Variants in TRPC1 observed in about 807,000 individuals in gnomAD.
TRPC1 encodes transient receptor potential cation channel subfamily C member 1.
A neutral mutation model predicts 88.2 loss-of-function variants in TRPC1; 42 were observed. That is an observed-to-expected ratio of 0.48 (90% CI 0.37 to 0.62). The LOEUF (loss-of-function observed/expected upper bound fraction) is 0.62, where lower values mean the gene tolerates loss of function less well. Among genes scored for constraint, TRPC1 ranks in the 20% least tolerant of loss-of-function variants. The pLI is 0.00. For synonymous variants in TRPC1, 288 were observed against 331.8 expected (o/e 0.87, Z 1.43); for missense variants, 699 against 957.3 (o/e 0.73, Z 3.56).
At chr3:142,769,556 C>A (rs1935505615) in intron 4 of TRPC1, among the ~76,000 whole-genome samples, 1 of 152,028 alleles carries the variant, frequency 6.6e-6, no homozygotes, top group Non-Finnish European at 1.5e-5. Flanking sequence ...TTTAGCTGAA[C>A]CCCATAATTT....
chr3:142,747,849 CAT>C (rs1166130790), intron 3 of TRPC1, among the ~76,000 whole-genome samples: 6 of 152,134 alleles, frequency 3.9e-5, no homozygotes, highest in Non-Finnish European at 5.9e-5. Context: ...GTTTTTCTCA[CAT>C]GTTAATATTC....
intron 3 of TRPC1, among the ~76,000 whole-genome samples, chr3:142,744,642 C>G (rs75506812): frequency 0.03 from 4,600 of 152,066 alleles, 248 homozygotes; most frequent in African/African-American, 0.11. Flanking sequence ...AAAATACTTA[C>G]CACGGTTAAA....
Position 142,804,596 on chromosome 3 carries a change from C to T in TRPC1, c.2120C>T (p.Ser707Leu). 3 of 1,607,706 alleles carry T rather than the reference C, an allele frequency of 1.9e-6. No homozygotes were observed. Among genetic ancestry groups the T allele is most frequent in the African/African-American group, 2.7e-5 (2 of 74,638 alleles). Residue 707 changes from serine to leucine, a missense_variant, in exon 12 of 13, where the codon TCA becomes TTA. This residue lies in a region of TRPC1 where 105 missense variants were observed against 141.7 expected (regional missense o/e 0.74). Coordinates refer to ENST00000476941, the MANE Select transcript of TRPC1 (RefSeq NM_001251845.2). ...SLSKWICSHT[S>L]KGKVKRQNSL... ...AGTAAGTGGATTTGCTCTCATACAT[C>T]AAAAGGCAAGGTCAAACGGCAAAAC...
Position 142,724,652 on chromosome 3 carries a change from G to A in TRPC1, c.93G>A (p.Val31=), listed in dbSNP as rs754986141. The A allele has an allele frequency of 6.2e-7, 1 of 1,612,982 alleles. No individual in the cohort carries two copies. The highest frequency in any genetic ancestry group is 1.3e-5 in the African/African-American group (1 of 74,736). ...SSPSSSSPNE[V]MALKDVREVK... ...CATCCTCTTCCTCGCCGAACGAGGTGATGGCGCTGAAGGATGTGCGGGAGG... is the reference window on the plus strand; with the variant it reads ...CATCCTCTTCCTCGCCGAACGAGGTAATGGCGCTGAAGGATGTGCGGGAGG... Residue 31 remains valine, a synonymous_variant, in exon 1 of 13, where the codon GTG becomes GTA. Transcript: ENST00000476941. This position sits in a 1 kb window ranked among gnomAD's most constrained non-coding sequence, Gnocchi z 5.6.
At chr3:142,729,965 T>C (rs1349129637) in intron 1 of TRPC1, among the ~76,000 whole-genome samples, 3 of 152,178 alleles carry the variant, frequency 2.0e-5, no homozygotes, top group African/African-American at 7.2e-5. Context: ...CTGTTATTAA[T>C]AGCTTCTGTT....
Position 142,803,936 on chromosome 3 carries a change from C to A in TRPC1, c.1758-41C>A, listed in dbSNP as rs548795345. 8 of 1,577,056 alleles carry A rather than the reference C, an allele frequency of 5.1e-6. No individual in the cohort carries two copies. In the South Asian group the frequency reaches 8.0e-5, roughly 16 times the overall value. On this transcript the variant is annotated intron_variant, in intron 10 of 12. Transcript: ENST00000476941. ...ACAAATGATTCATTTTTGCTAATTT[C>A]TTTAATTGCCTTTTAAACAGAAATG...
At chr3:142,803,095 T>TA (rs1936674040) in intron 10 of TRPC1, among the ~76,000 whole-genome samples, 1 of 151,996 alleles carries the variant, frequency 6.6e-6, no homozygotes, top group Non-Finnish European at 1.5e-5. Context: ...ATACAGGCAA[T>TA]AAAAAGAGGA....
At chr3:142,731,625 C>A (rs1224935423) in intron 1 of TRPC1, among the ~76,000 whole-genome samples, 2 of 151,674 alleles carry the variant, frequency 1.3e-5, no homozygotes, top group Non-Finnish European at 1.5e-5. Context: ...ACCTCATGAT[C>A]CGCCTGCCTC....
chr3:142,768,385 T>C (rs775841990), intron 4 of TRPC1, among the ~76,000 whole-genome samples: 11 of 152,142 alleles, frequency 7.2e-5, no homozygotes. Context: ...ATGTATTCCT[T>C]CTGCTATTAG....
chr3:142,762,428 A>ATTTTT lies in TRPC1; in HGVS notation c.632+13985_632+13989dup, dbSNP rs755194552. On this transcript the variant is annotated intron_variant, in intron 4 of 12. Coordinates refer to ENST00000476941, the MANE Select transcript of TRPC1 (RefSeq NM_001251845.2). ...TAATTTTCGGTTTGGTTTATTCTTG[A>ATTTTT]TTTTTTTTTTTTTTTTTTTTTGACG... Among the ~76,000 whole-genome samples the ATTTTT allele has an allele frequency of 4.5e-4, 47 of 103,648 alleles. 1 individual carries two copies. Among genetic ancestry groups the ATTTTT allele is most frequent in the African/African-American group, 1.4e-3 (37 of 27,036 alleles). The allele number at this position is 103,648 out of a possible 152,430, so 68.0% of individuals were successfully genotyped here.
At chr3:142,747,610 T>C (rs1934604615) in intron 3 of TRPC1, among the ~76,000 whole-genome samples, 1 of 152,192 alleles carries the variant, frequency 6.6e-6, no homozygotes, top group Admixed American at 6.5e-5. Flanking sequence ...TTTTGCAGGC[T>C]ACTGTGGCAA....
At chr3:142,751,441 C>T (rs969280796) in intron 4 of TRPC1, among the ~76,000 whole-genome samples, 8 of 152,086 alleles carry the variant, frequency 5.3e-5, no homozygotes, top group African/African-American at 1.9e-4. Context: ...GTAGGCTATA[C>T]CATATAGCCT....
intron 4 of TRPC1, 140 bp from the exon 5 acceptor site, chr3:142,777,492 T>C (rs1327395814): frequency 2.1e-6 from 1 of 485,282 alleles, no homozygotes; most frequent in Non-Finnish European, 3.2e-6. Context: ...TTTATGGAGG[T>C]TATCTTGTAA....
intron 1 of TRPC1, among the ~76,000 whole-genome samples, chr3:142,730,670 ATT>A (rs1014867176): frequency 1.3e-5 from 2 of 150,610 alleles, no homozygotes; most frequent in Non-Finnish European, 2.9e-5. Flanking sequence ...GTCAGTTAAC[ATT>A]TTTATCAGTA....
intron 2 of TRPC1, among the ~76,000 whole-genome samples, chr3:142,741,888 C>T (rs929623391): frequency 5.9e-5 from 9 of 152,116 alleles, no homozygotes; most frequent in African/African-American, 1.7e-4. Flanking sequence ...ATAGGCTGGG[C>T]GCAGTGGCTC....
At chr3:142,765,480 C>A (rs1192866631) in intron 4 of TRPC1, among the ~76,000 whole-genome samples, 3 of 152,052 alleles carry the variant, frequency 2.0e-5, no homozygotes, top group East Asian at 1.9e-4. Context: ...GACATATAGA[C>A]CGATGGAACA....
At chr3:142,775,158 G>T (rs1259241898) in intron 4 of TRPC1, among the ~76,000 whole-genome samples, 4 of 151,974 alleles carry the variant, frequency 2.6e-5, no homozygotes, top group African/African-American at 4.8e-5. Context: ...GATCATAACT[G>T]AATTTCATAA....
intron 4 of TRPC1, among the ~76,000 whole-genome samples, chr3:142,775,403 G>T (rs147465091): frequency 3.9e-4 from 59 of 152,280 alleles, no homozygotes; most frequent in Non-Finnish European, 7.6e-4. Flanking sequence ...TGGATCACTT[G>T]AGCCTAGGAG....
At chr3:142,789,956 T>C (rs1247146107) in intron 7 of TRPC1, among the ~76,000 whole-genome samples, 1 of 152,112 alleles carries the variant, frequency 6.6e-6, no homozygotes, top group Non-Finnish European at 1.5e-5. Context: ...CAATTAATAA[T>C]AGACCTAATA....
Sources: gnomAD v4.1 joint callset for allele counts (sites outside exome capture counted in the v4.1 genomes callset) on GRCh38, gnomAD v4.1.1 for gene constraint, gnomAD v4.1.1 regional missense constraint, Gnocchi (gnomAD v3.1) non-coding constraint, MANE v1.5 for transcripts, NCBI Gene and HGNC (gene_info 2026-07-23, HGNC 2026-07-21) for gene names.